The following MEI4 variants were observed in gnomAD, a reference collection of about 807,000 sequenced individuals.
The protein encoded by MEI4 is meiosis-specific protein MEI4.
In MEI4, 27 loss-of-function variants were observed where a neutral mutation model predicts 31.4. The ratio of observed to expected loss-of-function variants is 0.86; its 90% confidence interval spans 0.63 to 1.19. The LOEUF (loss-of-function observed/expected upper bound fraction) is 1.19, where lower values mean the gene tolerates loss of function less well. MEI4 is among the 50% of genes most tolerant of loss of function. The probability of loss-of-function intolerance (pLI) is 0.00; values close to 1 mark genes in which losing one functional copy is unlikely to be tolerated. For missense variants in MEI4, 329 were observed against 398.9 expected (o/e 0.82, Z 1.49); for synonymous variants, 122 against 145.4 (o/e 0.84, Z 1.16).
At chr6:77,886,697 T>C (rs1771627965) in intron 4 of MEI4, among the ~76,000 whole-genome samples, 1 of 152,184 alleles carries the variant, frequency 6.6e-6, no homozygotes, top group Non-Finnish European at 1.5e-5. Flanking sequence ...CCTCCCAAAG[T>C]GCTGGGATTA....
intron 4 of MEI4, among the ~76,000 whole-genome samples, chr6:77,922,698 C>T (rs1013623494): frequency 5.9e-5 from 9 of 151,654 alleles, no homozygotes; most frequent in Admixed American, 6.6e-5. Flanking sequence ...ACCTACTACT[C>T]TGGGATTGTT....
intron 1 of MEI4, among the ~76,000 whole-genome samples, chr6:77,664,817 G>T (rs1391825829): frequency 1.3e-5 from 2 of 152,116 alleles, no homozygotes; most frequent in African/African-American, 4.8e-5. Context: ...GAATTATTTA[G>T]ATCTTGCAGG....
At chr6:77,696,916 A>T (rs1766064082) in intron 2 of MEI4, among the ~76,000 whole-genome samples, 1 of 152,094 alleles carries the variant, frequency 6.6e-6, no homozygotes, top group African/African-American at 2.4e-5. Flanking sequence ...TTGGTTGGTA[A>T]GCTATTGATT....
intron 1 of MEI4, among the ~76,000 whole-genome samples, chr6:77,654,441 TG>T (rs1332607266): frequency 1.3e-5 from 2 of 151,602 alleles, no homozygotes; most frequent in East Asian, 3.9e-4. Flanking sequence ...ATGCACTGTA[TG>T]GTACTGCCAT....
chr6:77,692,334 TA>T (rs67057705), intron 2 of MEI4, among the ~76,000 whole-genome samples: 20,334 of 152,074 alleles, frequency 0.13, 1,436 homozygotes, highest in Middle Eastern at 0.21. Context: ...GTTGCAGGTT[TA>T]TCTCCTGAAC....
chr6:77,851,190 G>T (rs1770609757), intron 4 of MEI4, among the ~76,000 whole-genome samples: 1 of 152,124 alleles, frequency 6.6e-6, no homozygotes, highest in African/African-American at 2.4e-5. Flanking sequence ...CTGTTGGTGG[G>T]ACTGTAAACT....
At chr6:77,670,272 A>T in intron 1 of MEI4, among the ~76,000 whole-genome samples, 1 of 150,880 alleles carries the variant, frequency 6.6e-6, no homozygotes, top group African/African-American at 2.4e-5. Flanking sequence ...CTCTTTTTTC[A>T]GCAGCTCTCT....
At position 77,761,315 on chromosome 6, in the gene MEI4, T is replaced by G; in HGVS notation, c.418T>G (p.Cys140Gly). ...FPPLPLVKRP[C>G]AILQNPLSSH... Reference sequence around the variant, plus strand: ...ACCACTGCCTCTTGTGAAAAGACCTTGTGCTATCCTGCAAAATCCTTTGTC... The same window carrying G: ...ACCACTGCCTCTTGTGAAAAGACCTGGTGCTATCCTGCAAAATCCTTTGTC... Residue 140 changes from cysteine (C) to glycine (G), a missense_variant, in exon 3 of 5, where the codon TGT (cysteine) becomes GGT (glycine). Transcript: ENST00000684080. 1 of 1,232,632 alleles carries G rather than the reference T, an allele frequency of 8.1e-7. No individual in the cohort carries two copies. Among genetic ancestry groups the G allele is most frequent in the Non-Finnish European group, 1.0e-6 (1 of 988,056 alleles). The allele number at this position is 1,232,632 out of a possible 1,614,324, so 76.4% of individuals were successfully genotyped here. A position where few individuals can be genotyped will look rare whatever the true frequency, so the allele number is the denominator to read the frequency against.
In MEI4 at chr6:77,883,717, G is replaced by GATAGATATATATATATATATAT. The variant is rs1554172067; in HGVS notation, c.901-39369_901-39368insGATATATATATATATATATATA. 6.7e-4 allele frequency among the ~76,000 whole-genome samples: 29 copies of GATAGATATATATATATATATAT among 43,314 alleles called. 1 individual carries two copies. The highest frequency in any genetic ancestry group is 4.5e-3 in the Admixed American group (18 of 3,974). 28.4% of individuals were successfully genotyped at this position (43,314 alleles called of 152,430 possible). A position where few individuals can be genotyped will look rare whatever the true frequency, so the allele number is the denominator to read the frequency against. On this transcript the variant is annotated intron_variant, in intron 4 of 4. Coordinates refer to ENST00000684080, the MANE Select transcript of MEI4 (RefSeq NM_001322247.2). ...TATGCAATGAAATGCTATTATGTAAGATATATATATATATATATATATATA... is the reference window on the plus strand; with the variant it reads ...TATGCAATGAAATGCTATTATGTAAGATAGATATATATATATATATATATATATATATATATATATATATATA...
chr6:77,808,387 A>G (rs60481219), intron 3 of MEI4, among the ~76,000 whole-genome samples: 5,433 of 152,290 alleles, frequency 0.036, 325 homozygotes, highest in African/African-American at 0.12. Flanking sequence ...AAGAGATGCT[A>G]TTCAGATGAA....
chr6:77,739,342 C>A (rs1446447556), intron 2 of MEI4, among the ~76,000 whole-genome samples: 3 of 152,066 alleles, frequency 2.0e-5, no homozygotes, highest in Non-Finnish European at 2.9e-5. Flanking sequence ...AATAGGGAAT[C>A]CTGTCCCCAT....
chr6:77,684,232 A>G (rs1418303987), intron 1 of MEI4, among the ~76,000 whole-genome samples: 1 of 151,972 alleles, frequency 6.6e-6, no homozygotes. Flanking sequence ...TTGAATTTTA[A>G]AACTCTTACG....
At chr6:77,727,412 C>T (rs1205264684) in intron 2 of MEI4, among the ~76,000 whole-genome samples, 1 of 152,126 alleles carries the variant, frequency 6.6e-6, no homozygotes, top group Middle Eastern at 3.2e-3. Context: ...TTGGCAAAGG[C>T]TAAGTTATTT....
At chr6:77,877,667 TG>T (rs1263487526) in intron 4 of MEI4, among the ~76,000 whole-genome samples, 1 of 151,924 alleles carries the variant, frequency 6.6e-6, no homozygotes, top group Non-Finnish European at 1.5e-5. Context: ...CTAATAGTTT[TG>T]TTTTGGAGGG....
At chr6:77,804,176 C>T (rs550275948) in intron 3 of MEI4, among the ~76,000 whole-genome samples, 5 of 152,118 alleles carry the variant, frequency 3.3e-5, no homozygotes, top group Admixed American at 6.5e-5. Context: ...CAATGGCGGA[C>T]GCCCCTCCCC....
rs1374825225 is a variant in MEI4 at position 77,923,179 on chromosome 6, G to A, written c.991G>A (p.Gly331Ser). 8.1e-7 allele frequency: 1 copy of A among 1,230,446 alleles called. No homozygotes were observed. The highest frequency in any genetic ancestry group is 4.2e-5 in the Admixed American group (1 of 23,544). The allele number at this position is 1,230,446 out of a possible 1,614,324, so 76.2% of individuals were successfully genotyped here. Residue 331 changes from glycine to serine, a missense_variant, in exon 5 of 5, where the codon GGC (glycine) becomes AGC (serine). Physicochemically the swap from Gly to Ser is moderately conservative, Grantham distance 56. Coordinates refer to ENST00000684080, the MANE Select transcript of MEI4 (RefSeq NM_001322247.2). The stretch of plus-strand genomic sequence containing the variant: ...GCTTCTTCAAAAGGAAACCGAAGAA[G>A]GCAACACTTCAAGTATAGGTCATGA... ...EQLLQKETEE[G>S]NTSSIGHDDQ...
intron 2 of MEI4, among the ~76,000 whole-genome samples, chr6:77,734,102 C>G (rs1253568261): frequency 3.9e-5 from 6 of 152,018 alleles, no homozygotes; most frequent in South Asian, 4.1e-4. Context: ...AATGTATATT[C>G]TGTTGATTTG....
intron 4 of MEI4, among the ~76,000 whole-genome samples, chr6:77,895,333 C>G (rs556030856): frequency 6.6e-6 from 1 of 152,210 alleles, no homozygotes; most frequent in African/African-American, 2.4e-5. Flanking sequence ...CAGAGATTAA[C>G]GACACCTCTC....
chr6:77,843,027 A>G (rs1770401209), intron 4 of MEI4, among the ~76,000 whole-genome samples: 1 of 151,838 alleles, frequency 6.6e-6, no homozygotes, highest in Non-Finnish European at 1.5e-5. Flanking sequence ...TATATAATCT[A>G]TTCCAAAAAT....
Sources: gnomAD v4.1 joint callset for allele counts (sites outside exome capture counted in the v4.1 genomes callset) on GRCh38, gnomAD v4.1.1 for gene constraint, MANE v1.5 for transcripts, NCBI Gene and HGNC (gene_info 2026-07-23, HGNC 2026-07-21) for gene names.